Variants in RASGRF2 observed in about 807,000 individuals in gnomAD.
The protein encoded by RASGRF2 is Ras protein specific guanine nucleotide releasing factor 2, also known as ras-specific guanine nucleotide-releasing factor 2.
In RASGRF2, 76 loss-of-function variants were observed where a neutral mutation model predicts 151.0. That is an observed-to-expected ratio of 0.50 (90% CI 0.42 to 0.61). The LOEUF is 0.61. Ranked by LOEUF, RASGRF2 falls within the 20% of genes least tolerant of loss-of-function variation. RASGRF2 has a pLI of 0.00. For missense variants in RASGRF2, 1,148 were observed against 1,564.6 expected (o/e 0.73, Z 4.49); for synonymous variants, 504 against 566.5 (o/e 0.89, Z 1.57).
rs1007984722 is a variant in RASGRF2 at position 81,074,143 on chromosome 5, T to C, written c.887+691T>C. 2.9e-4 allele frequency among the ~76,000 whole-genome samples: 44 copies of C among 152,314 alleles called. 1 individual carries two copies. Among genetic ancestry groups the C allele is most frequent in the African/African-American group, 1.0e-3 (42 of 41,576 alleles). On this transcript the variant is annotated intron_variant, in intron 5 of 26. Coordinates refer to ENST00000265080, the MANE Select transcript of RASGRF2 (RefSeq NM_006909.3). ...ACAGGACCTGAGAAGCTCTGGTGAA[T>C]TTATTTGCTCAATAAATCATTAGTT...
intron 18 of RASGRF2, among the ~76,000 whole-genome samples, chr5:81,196,870 T>C (rs1755277065): frequency 6.6e-6 from 1 of 152,214 alleles, no homozygotes; most frequent in African/African-American, 2.4e-5. Flanking sequence ...GCTGAGAATG[T>C]AGTGCACAAA....
chr5:81,025,734 C>T (rs1024284922), intron 1 of RASGRF2, among the ~76,000 whole-genome samples: 1 of 152,148 alleles, frequency 6.6e-6, no homozygotes, highest in African/African-American at 2.4e-5. Context: ...CTACATTGCC[C>T]GTTATATATA....
intron 17 of RASGRF2, among the ~76,000 whole-genome samples, chr5:81,137,585 A>G (rs1753782593): frequency 6.6e-6 from 1 of 152,182 alleles, no homozygotes; most frequent in African/African-American, 2.4e-5. Context: ...GGGTCTTTAA[A>G]GAGGTCATTA....
chr5:81,042,732 A>G, intron 1 of RASGRF2, 145 bp from the exon 2 acceptor site: 1 of 589,334 alleles, frequency 1.7e-6, no homozygotes, highest in East Asian at 3.1e-5. Context: ...CTGGACCCAG[A>G]GTGAAATGTT....
At chr5:81,003,493 G>C (rs547419157) in intron 1 of RASGRF2, among the ~76,000 whole-genome samples, 1 of 152,136 alleles carries the variant, frequency 6.6e-6, no homozygotes, top group Non-Finnish European at 1.5e-5. Flanking sequence ...AAAGTGCTGG[G>C]ATTACAGGCG....
At position 81,123,737 on chromosome 5, in the gene RASGRF2, C is replaced by A. The variant is rs778125120; in HGVS notation, c.2566C>A (p.Pro856Thr). 2 of 1,613,956 alleles carry A rather than the reference C, an allele frequency of 1.2e-6. No homozygotes were observed. The highest frequency in any genetic ancestry group is 1.7e-6 in the Non-Finnish European group (2 of 1,179,920). ...TTCACCTTGCAGATCCCCCTCAACT[C>A]CTCGGCACCTCCGCTATCGACAGCC... The part of the protein sequence containing the change: ...ELSPCRSPST[P>T]RHLRYRQPGG... Residue 856 changes from proline to threonine, a missense_variant, in exon 16 of 27, where the codon CCT becomes ACT. Physicochemically the swap from Pro to Thr is conservative, Grantham distance 38. This residue lies in a region of RASGRF2 where 646 missense variants were observed against 807.4 expected (regional missense o/e 0.80). Coordinates refer to ENST00000265080, the MANE Select transcript of RASGRF2 (RefSeq NM_006909.3).
At chr5:81,069,588 G>A (rs1751712797) in intron 3 of RASGRF2, among the ~76,000 whole-genome samples, 1 of 152,174 alleles carries the variant, frequency 6.6e-6, no homozygotes, top group Admixed American at 6.5e-5. Flanking sequence ...GTAGATTGCA[G>A]CAAAAAACTG....
intron 12 of RASGRF2, among the ~76,000 whole-genome samples, chr5:81,099,947 G>A (rs1236578918): frequency 1.5e-5 from 2 of 130,864 alleles, no homozygotes; most frequent in African/African-American, 2.9e-5. Flanking sequence ...TCGCCCTGTC[G>A]CCCAGGCTGG....
At chr5:80,983,801 T>A (rs577275922) in intron 1 of RASGRF2, among the ~76,000 whole-genome samples, 28 of 152,358 alleles carry the variant, frequency 1.8e-4, no homozygotes, top group African/African-American at 6.7e-4. Flanking sequence ...AATTTTTTAT[T>A]TGATTACATG....
chr5:81,121,509 G>C (rs1359251272), intron 15 of RASGRF2, among the ~76,000 whole-genome samples: 1 of 152,168 alleles, frequency 6.6e-6, no homozygotes, highest in Non-Finnish European at 1.5e-5. Flanking sequence ...TTTTCTGGCA[G>C]GAGAACGTCA....
rs150645993 is a variant in RASGRF2 at position 81,069,039 on chromosome 5, T to C, written c.543+860T>C. Reference sequence around the variant, plus strand: ...ACACAATGAAACCTACTAGTAATTGTATCCTCATTGACAGAAACAGTTTAG... The same window carrying C: ...ACACAATGAAACCTACTAGTAATTGCATCCTCATTGACAGAAACAGTTTAG... On this transcript the variant is annotated intron_variant, in intron 3 of 26. Transcript: ENST00000265080. Among the ~76,000 whole-genome samples, 182 of 152,308 alleles carry C rather than the reference T, an allele frequency of 1.2e-3. 1 individual carries two copies. The highest frequency in any genetic ancestry group is 4.1e-3 in the African/African-American group (169 of 41,554).
intron 2 of RASGRF2, among the ~76,000 whole-genome samples, chr5:81,044,021 C>T (rs377132319): frequency 6.6e-6 from 1 of 152,106 alleles, no homozygotes; most frequent in African/African-American, 2.4e-5. Context: ...TTGTATACAC[C>T]TTGAGAATGA....
chr5:81,148,174 C>G (rs1741396673), intron 17 of RASGRF2, among the ~76,000 whole-genome samples: 1 of 152,196 alleles, frequency 6.6e-6, no homozygotes, highest in South Asian at 2.1e-4. Flanking sequence ...AAGGAACAGG[C>G]TCAGTGAGGG....
At chr5:81,080,462 C>T in intron 6 of RASGRF2, 134 bp from the exon 7 acceptor site, 1 of 1,081,196 alleles carries the variant, frequency 9.2e-7, no homozygotes, top group Non-Finnish European at 1.3e-6. Flanking sequence ...ACCAGATCAT[C>T]ATTCAGGCAT....
At chr5:81,201,308 A>G in intron 18 of RASGRF2, 22 bp from the exon 19 acceptor site, 2 of 1,602,278 alleles carry the variant, frequency 1.2e-6, no homozygotes, top group Non-Finnish European at 1.7e-6. Context: ...TAAAATTTAA[A>G]AAGATTCATT....
Position 81,137,691 on chromosome 5 carries a change from C to A in RASGRF2, c.2686+10528C>A, listed in dbSNP as rs565615911. Among the ~76,000 whole-genome samples the A allele has an allele frequency of 5.3e-5, 8 of 152,332 alleles. No homozygotes were observed. The South Asian group carries it at 1.7e-3, about 32-fold the overall frequency. On this transcript the variant is annotated intron_variant, in intron 17 of 26. Coordinates refer to ENST00000265080, the MANE Select transcript of RASGRF2 (RefSeq NM_006909.3). ...ACCACGTGAAGACACAGGAAGAAGA[C>A]GGCCACCTACAAGCCAAAGAGAGAG... is the stretch of plus-strand genomic sequence containing the variant.
At chr5:81,058,798 A>G (rs1751316014) in intron 2 of RASGRF2, among the ~76,000 whole-genome samples, 1 of 151,040 alleles carries the variant, frequency 6.6e-6, no homozygotes, top group Non-Finnish European at 1.5e-5. Context: ...AAAAAAAAAA[A>G]AAGAGAGTGT....
At position 81,212,441 on chromosome 5, in the gene RASGRF2, G is replaced by A. The variant is rs775011676; in HGVS notation, c.3232G>A (p.Val1078Met). ...CCGTGCCAACGCCATCGAGAAATGG[G>A]TGGCAGTGGCGGACATCTGCCGATG... ...SSRANAIEKW[V>M]AVADICRCLH... Residue 1078 changes from valine (V) to methionine (M), a missense_variant, in exon 23 of 27, where the codon GTG becomes ATG. Transcript: ENST00000265080. 1.3e-5 allele frequency: 21 copies of A among 1,613,962 alleles called. No homozygotes were observed. The highest frequency in any genetic ancestry group is 1.8e-5 in the Non-Finnish European group (21 of 1,179,910).
intron 17 of RASGRF2, among the ~76,000 whole-genome samples, chr5:81,153,496 C>G (rs1754184239): frequency 6.6e-6 from 1 of 152,186 alleles, no homozygotes; most frequent in African/African-American, 2.4e-5. Flanking sequence ...AAAATGGATT[C>G]TGTCTTAGAG....
Sources: gnomAD v4.1 joint callset for allele counts (sites outside exome capture counted in the v4.1 genomes callset) on GRCh38, gnomAD v4.1.1 for gene constraint, gnomAD v4.1.1 regional missense constraint, MANE v1.5 for transcripts, NCBI Gene and HGNC (gene_info 2026-07-23, HGNC 2026-07-21) for gene names.